Variants in NLGN1 observed in about 807,000 individuals in gnomAD.
NLGN1 encodes the protein neuroligin-1.
A neutral mutation model predicts 65.5 loss-of-function variants in NLGN1; 12 were observed. The ratio of observed to expected loss-of-function variants is 0.18; its 90% confidence interval spans 0.12 to 0.30. NLGN1 has a LOEUF of 0.30. Among genes scored for constraint, NLGN1 ranks in the 10% least tolerant of loss-of-function variants. The pLI is 1.00. For synonymous variants in NLGN1, 350 were observed against 359.5 expected (o/e 0.97, Z 0.30); for missense variants, 750 against 1,007.1 (o/e 0.74, Z 3.46).
chr3:173,797,035 C>T (rs1417353091), intron 3 of NLGN1, among the ~76,000 whole-genome samples: 1 of 152,082 alleles, frequency 6.6e-6, no homozygotes. Context: ...GATGCCCTAG[C>T]AAAGAAGGGA....
chr3:173,721,130 G>T (rs958467493), intron 3 of NLGN1, among the ~76,000 whole-genome samples: 2 of 152,298 alleles, frequency 1.3e-5, no homozygotes, highest in Non-Finnish European at 2.9e-5. Flanking sequence ...CCTTTTGAAA[G>T]AAGCTGCAAG....
In NLGN1 at chr3:173,414,504, A is replaced by G. The variant is rs143769995; in HGVS notation, c.-390+16017A>G. 7.9e-5 allele frequency among the ~76,000 whole-genome samples: 12 copies of G among 152,194 alleles called. No homozygotes were observed. In the East Asian group the frequency reaches 1.4e-3, roughly 17 times the overall value. On this transcript the variant is annotated intron_variant, in intron 1 of 6. Transcript: ENST00000457714. The stretch of plus-strand genomic sequence containing the variant: ...CTATGCTTTGTTTAGCAAAAGGTAC[A>G]TAGAGGCTTCAGTTTGCCACCTCAG...
At chr3:174,118,260 T>A (rs1716974451) in intron 4 of NLGN1, among the ~76,000 whole-genome samples, 1 of 152,170 alleles carries the variant, frequency 6.6e-6, no homozygotes, top group South Asian at 2.1e-4. Context: ...TTGTATGTAT[T>A]TCACCTCTTT....
chr3:173,655,001 T>A lies in NLGN1; in HGVS notation c.493+49910T>A, dbSNP rs538769221. On this transcript the variant is annotated intron_variant, in intron 3 of 6. Transcript: ENST00000457714. The stretch of plus-strand genomic sequence containing the variant: ...GATCTCAGCTCTTCCATGGTAGCCA[T>A]ATGACCTTGGGAAATTTTTGCTTCC... Among the ~76,000 whole-genome samples the A allele has an allele frequency of 1.2e-3, 188 of 152,290 alleles. No homozygotes were observed. In the Middle Eastern group the frequency reaches 0.02, roughly 17 times the overall value.
intron 4 of NLGN1, among the ~76,000 whole-genome samples, chr3:174,013,305 G>C (rs183455064): frequency 1.6e-4 from 25 of 152,094 alleles, no homozygotes; most frequent in African/African-American, 5.8e-4. Context: ...ACTTTGAAAG[G>C]TTCTACTGTT....
chr3:173,765,914 T>C (rs572598209), intron 3 of NLGN1, among the ~76,000 whole-genome samples: 4 of 152,286 alleles, frequency 2.6e-5, no homozygotes, highest in Admixed American at 1.3e-4. Context: ...TTCCCTACCA[T>C]CTCCTCTATC....
chr3:173,410,674 G>T (rs898705663), intron 1 of NLGN1, among the ~76,000 whole-genome samples: 21 of 152,130 alleles, frequency 1.4e-4, no homozygotes, highest in Admixed American at 7.2e-4. Flanking sequence ...GTATTTAATA[G>T]GTGCCTTTGT....
intron 2 of NLGN1, among the ~76,000 whole-genome samples, chr3:173,450,753 G>T (rs1260695745): frequency 6.6e-6 from 1 of 152,148 alleles, no homozygotes; most frequent in Admixed American, 6.5e-5. Flanking sequence ...TGGAGGCTTT[G>T]TTCATTTCTT....
At position 174,143,639 on chromosome 3, in the gene NLGN1, G is replaced by A. The variant is rs1013698017; in HGVS notation, c.647-131676G>A. On this transcript the variant is annotated intron_variant, in intron 4 of 6. Transcript: ENST00000457714. ...TTGCTGATGGAGATTTGGTGGGGGG[G>A]TATACAGCATCTCCCCACAATGCAC... Among the ~76,000 whole-genome samples, 4 of 152,142 alleles carry A rather than the reference G, an allele frequency of 2.6e-5. No individual in the cohort carries two copies. In the East Asian group the frequency reaches 7.8e-4, roughly 30 times the overall value.
intron 2 of NLGN1, among the ~76,000 whole-genome samples, chr3:173,458,296 C>T (rs907878077): frequency 6.6e-6 from 1 of 151,750 alleles, no homozygotes. Flanking sequence ...TTGCATAATC[C>T]TGAAGGTCAG....
At chr3:173,735,810 G>A (rs1773650490) in intron 3 of NLGN1, among the ~76,000 whole-genome samples, 1 of 151,960 alleles carries the variant, frequency 6.6e-6, no homozygotes, top group South Asian at 2.1e-4. Flanking sequence ...ATTGCACAAG[G>A]GACTGGTGAC....
At chr3:174,271,398 G>T (rs994138404) in intron 4 of NLGN1, among the ~76,000 whole-genome samples, 1 of 151,664 alleles carries the variant, frequency 6.6e-6, no homozygotes, top group South Asian at 2.1e-4. Context: ...AAACCGCAGG[G>T]CTACTGCCTG....
At chr3:174,255,635 T>TTTTA (rs1745588042) in intron 4 of NLGN1, among the ~76,000 whole-genome samples, 2 of 101,426 alleles carry the variant, frequency 2.0e-5, no homozygotes, top group South Asian at 3.4e-4. Flanking sequence ...CTTTCTTTTC[T>TTTTA]TCTATTTATT....
At chr3:173,608,237 G>C (rs1481420182) in intron 3 of NLGN1, among the ~76,000 whole-genome samples, 1 of 151,700 alleles carries the variant, frequency 6.6e-6, no homozygotes, top group African/African-American at 2.4e-5. Flanking sequence ...ATTTTAAAAC[G>C]GGTCCCAGTT....
intron 4 of NLGN1, among the ~76,000 whole-genome samples, chr3:173,902,739 G>A (rs1395136292): frequency 3.3e-5 from 5 of 152,096 alleles, no homozygotes; most frequent in African/African-American, 1.2e-4. Flanking sequence ...TGGGCCAAGA[G>A]AGAACATGAT....
chr3:174,179,298 C>T (rs1268603119), intron 4 of NLGN1, among the ~76,000 whole-genome samples: 2 of 151,788 alleles, frequency 1.3e-5, no homozygotes, highest in African/African-American at 2.4e-5. Context: ...CCATGTGTAC[C>T]TGTAGAAATA....
At position 173,954,172 on chromosome 3, in the gene NLGN1, A is replaced by G. The variant is rs180935168; in HGVS notation, c.646+146340A>G. 1.5e-3 allele frequency among the ~76,000 whole-genome samples: 231 copies of G among 152,300 alleles called. 2 individuals are homozygous for G. Among genetic ancestry groups the G allele is most frequent in the African/African-American group, 5.3e-3 (222 of 41,572 alleles). ...AAAAAATGCGTATGTTTATTGCTGA[A>G]TTTATCTGTACCACTAACCCTCAAT... On this transcript the variant is annotated intron_variant, in intron 4 of 6. Coordinates refer to ENST00000457714, the Ensembl canonical transcript of NLGN1.
chr3:174,285,997 C>T (rs1260068719), exon 7 of NLGN1: 2 of 151,298 alleles, frequency 1.3e-5, no homozygotes, highest in Non-Finnish European at 3.0e-5. Context: ...AGGCATCTGA[C>T]TTGATGGTAC....
intron 4 of NLGN1, among the ~76,000 whole-genome samples, chr3:174,210,375 C>T (rs926273154): frequency 6.6e-6 from 1 of 152,162 alleles, no homozygotes; most frequent in African/African-American, 2.4e-5. Context: ...TCAGGTATAT[C>T]TGGCACACAA....
Sources: allele counts gnomAD v4.1 joint callset (sites outside exome capture counted in the v4.1 genomes callset), GRCh38; gene constraint gnomAD v4.1.1; transcripts MANE v1.5; gene names NCBI Gene and HGNC (gene_info 2026-07-23, HGNC 2026-07-21).